The following CELF1 variants were observed in gnomAD, a reference collection of about 807,000 sequenced individuals.
The protein encoded by CELF1 is CUGBP Elav-like family member 1, also known as 50 kDa nuclear polyadenylated RNA-binding protein.
In CELF1, 10 loss-of-function variants were observed where a neutral mutation model predicts 61.8. The ratio of observed to expected loss-of-function variants is 0.16; its 90% CI spans 0.10 to 0.27. The LOEUF is 0.27. Ranked by LOEUF, CELF1 falls within the 10% of genes least tolerant of loss-of-function variation. The pLI, the probability that CELF1 is intolerant of heterozygous loss-of-function variation, is 1.00. For missense variants in CELF1, 380 were observed against 639.1 expected (o/e 0.59, Z 4.37); for synonymous variants, 236 against 225.1 (o/e 1.05, Z -0.43).
intron 1 of CELF1, chr11:47,506,783 T>A (rs1476955869): frequency 6.6e-6 from 1 of 152,242 alleles, no homozygotes; most frequent in Non-Finnish European, 1.5e-5. Context: ...CTTTTTCATA[T>A]CTGCATAGCA....
chr11:47,477,099 G>T, intron 11 of CELF1, 140 bp from the exon 12 acceptor site: 2 of 871,710 alleles, frequency 2.3e-6, no homozygotes, highest in South Asian at 1.6e-5. Flanking sequence ...GCAGGACAGA[G>T]ACAAATAATG....
At chr11:47,515,404 C>T (rs566736230) in intron 1 of CELF1, among the ~76,000 whole-genome samples, 9 of 152,292 alleles carry the variant, frequency 5.9e-5, no homozygotes, top group Non-Finnish European at 1.0e-4. Flanking sequence ...TGATCACTTG[C>T]TCAAATCTGG....
chr11:47,487,295 G>T, intron 4 of CELF1, 54 bp from the exon 5 acceptor site: 1 of 1,373,646 alleles, frequency 7.3e-7, no homozygotes, highest in Non-Finnish European at 1.0e-6. Context: ...AGAATTCCTA[G>T]AGCAATCCTT....
At chr11:47,497,704 C>CA (rs1387838922) in intron 3 of CELF1, among the ~76,000 whole-genome samples, 1 of 151,960 alleles carries the variant, frequency 6.6e-6, no homozygotes, top group African/African-American at 2.4e-5. Context: ...TTAGTGTGCA[C>CA]AAAAAAACAT....
intron 3 of CELF1, among the ~76,000 whole-genome samples, chr11:47,493,483 G>A (rs151293308): frequency 0.038 from 5,602 of 146,362 alleles, 122 homozygotes; most frequent in Non-Finnish European, 0.049. Flanking sequence ...ACTCCAGCCT[G>A]GGCGACAGAG....
chr11:47,554,262 T>A (rs925378890), upstream of CELF1, among the ~76,000 whole-genome samples: 1 of 152,186 alleles, frequency 6.6e-6, no homozygotes, highest in East Asian at 1.9e-4. Context: ...ATTCCCTAAT[T>A]GTACTGGGTA....
chr11:47,544,365 T>C (rs1003141281), intron 1 of CELF1, among the ~76,000 whole-genome samples: 5 of 152,202 alleles, frequency 3.3e-5, no homozygotes, highest in African/African-American at 1.2e-4. Context: ...CTAGCATAAG[T>C]TACCTCAATT....
rs2076885332 is a variant in CELF1, at chr11:47,467,590, C to G, written c.*4640G>C. ...TGCCGCTTGGTGTGCAGATGGCCTC[C>G]TACGGGTGATTGGGAGCGCCCTCCT... is the stretch of plus-strand genomic sequence containing the variant. On this transcript the variant is annotated 3_prime_UTR_variant, in exon 15 of 15. Transcript: ENST00000687097. 6.6e-6 allele frequency: 1 copy of G among 152,362 alleles called. No individual in the cohort carries two copies. The highest frequency in any genetic ancestry group is 2.4e-5 in the African/African-American group (1 of 41,446). The allele number at this position is 152,362 out of a possible 1,614,324, so 9.4% of individuals were successfully genotyped here.
At chr11:47,559,796 G>A (rs912994286) in intron 2 of CELF1, among the ~76,000 whole-genome samples, 2 of 152,098 alleles carry the variant, frequency 1.3e-5, no homozygotes, top group Non-Finnish European at 2.9e-5. Context: ...GAGGTCAGGA[G>A]TTCGAGACCA....
At chr11:47,559,985 G>C (rs1362009745) in intron 2 of CELF1, among the ~76,000 whole-genome samples, 2 of 145,478 alleles carry the variant, frequency 1.4e-5, no homozygotes, top group Non-Finnish European at 3.0e-5. Context: ...CTTGGTGACA[G>C]AGCAAGACTC....
chr11:47,481,929 G>A (rs995906727), intron 9 of CELF1, among the ~76,000 whole-genome samples: 13 of 152,148 alleles, frequency 8.5e-5, no homozygotes, highest in African/African-American at 2.7e-4. Flanking sequence ...TCCGCCAGGC[G>A]CAGTGGCTCA....
chr11:47,550,106 C>T (rs371894851), intron 1 of CELF1, among the ~76,000 whole-genome samples: 15 of 151,970 alleles, frequency 9.9e-5, no homozygotes, highest in African/African-American at 3.4e-4. Context: ...TGAGCCACTG[C>T]GCCCAGCCAA....
At chr11:47,558,115 C>T (rs544166944), upstream of CELF1, among the ~76,000 whole-genome samples, 17 of 152,166 alleles carry the variant, frequency 1.1e-4, no homozygotes, top group African/African-American at 4.1e-4. Flanking sequence ...CCTCAGCCTC[C>T]GAAAGTGTTG....
At chr11:47,513,938 T>TC (rs2095401855) in intron 1 of CELF1, 1 of 150,538 alleles carries the variant, frequency 6.6e-6, no homozygotes, top group Non-Finnish European at 1.5e-5. Flanking sequence ...TTCCTTTTTT[T>TC]TTTCCCCCCA....
intron 13 of CELF1, 72 bp downstream of exon 13, chr11:47,475,264 C>T (rs1018882713): frequency 1.4e-6 from 2 of 1,466,868 alleles, no homozygotes; most frequent in East Asian, 2.3e-5. Context: ...TCAGCCTTTG[C>T]TCTGCCTTTC....
intron 12 of CELF1, 76 bp from the exon 13 acceptor site, chr11:47,475,597 C>G: frequency 6.8e-7 from 1 of 1,464,970 alleles, no homozygotes; most frequent in Non-Finnish European, 9.4e-7. Flanking sequence ...CTTGGGACAT[C>G]TAGAAGAGGG....
intron 1 of CELF1, among the ~76,000 whole-genome samples, chr11:47,545,431 A>C (rs2153740107): frequency 6.6e-6 from 1 of 152,264 alleles, no homozygotes; most frequent in Admixed American, 6.5e-5. Context: ...ACTCTGTCTC[A>C]AAAGAACAAA....
chr11:47,545,905 G>GTGTA lies in CELF1; in HGVS notation c.-154+7086_-154+7087insTACA, dbSNP rs1555191627. On this transcript the variant is annotated intron_variant, in intron 1 of 14. Transcript: ENST00000687097. ...TGTGTGTGTGTGTGTGTGTGTGTGTGTATATATATATTTTTTTTTTTTTGA... is the reference window on the plus strand; with the variant it reads ...TGTGTGTGTGTGTGTGTGTGTGTGTGTGTATATATATATATTTTTTTTTTTTTGA... Among the ~76,000 whole-genome samples the GTGTA allele has an allele frequency of 5.6e-3, 607 of 109,194 alleles. 1 individual carries two copies. The highest frequency in any genetic ancestry group is 7.2e-3 in the Non-Finnish European group (414 of 57,182). The allele number at this position is 109,194 out of a possible 152,430, so 71.6% of individuals were successfully genotyped here.
intron 13 of CELF1, 66 bp from the exon 14 acceptor site, chr11:47,473,297 T>C: frequency 7.0e-7 from 1 of 1,435,524 alleles, no homozygotes; most frequent in East Asian, 2.3e-5. Context: ...GCACCAGTGA[T>C]CTTTCATTTC....
Sources: allele counts gnomAD v4.1 joint callset (sites outside exome capture counted in the v4.1 genomes callset), GRCh38; gene constraint gnomAD v4.1.1; transcripts MANE v1.5; gene names NCBI Gene and HGNC (gene_info 2026-07-23, HGNC 2026-07-21).